RFX3: variants seen among roughly 807,000 people sequenced by gnomAD.
RFX3 encodes the protein regulatory factor X3.
In RFX3, 14 loss-of-function variants were observed where a neutral mutation model predicts 98.6. The ratio of observed to expected loss-of-function variants is 0.14; its 90% confidence interval spans 0.09 to 0.22. RFX3 has a LOEUF of 0.22. Among genes scored for constraint, RFX3 ranks in the 10% least tolerant of loss-of-function variants. The pLI, the probability that RFX3 is intolerant of heterozygous loss-of-function variation, is 1.00. For missense variants in RFX3, 639 were observed against 926.9 expected (o/e 0.69, Z 4.03); for synonymous variants, 383 against 328.4 (o/e 1.17, Z -1.80).
intron 2 of RFX3, among the ~76,000 whole-genome samples, chr9:3,370,697 A>G (rs983171817): frequency 2.6e-5 from 4 of 152,210 alleles, no homozygotes; most frequent in Non-Finnish European, 5.9e-5. Context: ...TAAATAAATT[A>G]TAGCTCACTA....
intron 1 of RFX3, among the ~76,000 whole-genome samples, chr9:3,516,772 G>A (rs1363653554): frequency 6.6e-6 from 1 of 151,994 alleles, no homozygotes; most frequent in Non-Finnish European, 1.5e-5. Context: ...CCACATACTC[G>A]GGAAATTATG....
At chr9:3,417,384 C>G (rs1242593524) in intron 1 of RFX3, among the ~76,000 whole-genome samples, 1 of 152,056 alleles carries the variant, frequency 6.6e-6, no homozygotes, top group Non-Finnish European at 1.5e-5. Context: ...ATACCCTTCT[C>G]AAGTACACAC....
chr9:3,507,989 T>C (rs1252781410), intron 1 of RFX3, among the ~76,000 whole-genome samples: 1 of 151,904 alleles, frequency 6.6e-6, no homozygotes, highest in Non-Finnish European at 1.5e-5. Flanking sequence ...GTGGTTGTTC[T>C]GTGGGACACT....
At chr9:3,515,308 A>G (rs1818046269) in intron 1 of RFX3, among the ~76,000 whole-genome samples, 1 of 152,218 alleles carries the variant, frequency 6.6e-6, no homozygotes, top group African/African-American at 2.4e-5. Flanking sequence ...GGATAGATAT[A>G]TACAGATATA....
At chr9:3,450,731 AGTGATATCAT>A (rs1352491631) in intron 1 of RFX3, among the ~76,000 whole-genome samples, 1 of 152,062 alleles carries the variant, frequency 6.6e-6, no homozygotes, top group East Asian at 1.9e-4. Context: ...AATCAAATCA[AGTGATATCAT>A]TACAGAATTT....
chr9:3,427,268 A>G (rs1744999447), intron 1 of RFX3, among the ~76,000 whole-genome samples: 3 of 143,896 alleles, frequency 2.1e-5, no homozygotes, highest in Non-Finnish European at 4.5e-5. Context: ...TACTATATAT[A>G]TATTTTATTA....
Position 3,358,394 on chromosome 9 carries a change from T to C in RFX3, c.118-11630A>G, listed in dbSNP as rs150426234. Among the ~76,000 whole-genome samples the C allele has an allele frequency of 1.3e-3, 198 of 152,238 alleles. 1 individual carries two copies. Among genetic ancestry groups the C allele is most frequent in the African/African-American group, 4.1e-3 (172 of 41,554 alleles). On this transcript the variant is annotated intron_variant, in intron 2 of 16. Transcript: ENST00000617270. ...GTTCATCAAGGGTCCCTTAAAATCATGAGATTCTATAATTAAAGTAGAAAT... is the reference window on the plus strand; with the variant it reads ...GTTCATCAAGGGTCCCTTAAAATCACGAGATTCTATAATTAAAGTAGAAAT...
intron 1 of RFX3, among the ~76,000 whole-genome samples, chr9:3,508,788 G>A (rs896704803): frequency 1.3e-5 from 2 of 151,966 alleles, no homozygotes; most frequent in Admixed American, 6.6e-5. Flanking sequence ...TGAGGCTGCA[G>A]AGAGCATCAG....
chr9:3,456,783 C>G (rs777275816), intron 1 of RFX3, among the ~76,000 whole-genome samples: 3 of 152,076 alleles, frequency 2.0e-5, no homozygotes, highest in Non-Finnish European at 4.4e-5. Flanking sequence ...TGAGACACTC[C>G]TAGGAAGCCC....
intron 7 of RFX3, among the ~76,000 whole-genome samples, chr9:3,278,158 T>C (rs945449018): frequency 5.3e-5 from 8 of 151,644 alleles, no homozygotes; most frequent in African/African-American, 1.7e-4. Context: ...ACAGCTAAGA[T>C]AGAAAAAAAT....
At chr9:3,506,383 G>A (rs564704593) in intron 1 of RFX3, among the ~76,000 whole-genome samples, 9 of 151,746 alleles carry the variant, frequency 5.9e-5, no homozygotes, top group Admixed American at 2.6e-4. Context: ...TGTAACCCTG[G>A]AACTGAAGTC....
chr9:3,303,279 A>G (rs1828884635), intron 4 of RFX3, among the ~76,000 whole-genome samples: 1 of 151,932 alleles, frequency 6.6e-6, no homozygotes. Context: ...CTGTGAAACT[A>G]TAAAGGACTT....
chr9:3,402,499 T>C (rs1436883343), intron 1 of RFX3, among the ~76,000 whole-genome samples: 1 of 152,088 alleles, frequency 6.6e-6, no homozygotes, highest in South Asian at 2.1e-4. Flanking sequence ...TGTGACCATA[T>C]TCAAGAATAA....
At chr9:3,506,204 T>C (rs956116406) in intron 1 of RFX3, among the ~76,000 whole-genome samples, 2 of 150,364 alleles carry the variant, frequency 1.3e-5, no homozygotes, top group African/African-American at 4.9e-5. Flanking sequence ...GAAGGACAAC[T>C]GTTTTTTTTT....
At chr9:3,272,215 A>C (rs1824584996) in intron 9 of RFX3, among the ~76,000 whole-genome samples, 1 of 152,214 alleles carries the variant, frequency 6.6e-6, no homozygotes, top group Non-Finnish European at 1.5e-5. Flanking sequence ...AAAAGACAGA[A>C]GTAGTCAGTA....
At chr9:3,360,474 T>G (rs1275071302) in intron 2 of RFX3, among the ~76,000 whole-genome samples, 1 of 152,118 alleles carries the variant, frequency 6.6e-6, no homozygotes, top group Non-Finnish European at 1.5e-5. Flanking sequence ...GAAGTCTGAC[T>G]GTAATAACAT....
intron 2 of RFX3, among the ~76,000 whole-genome samples, chr9:3,348,559 A>C (rs1196025407): frequency 6.6e-6 from 1 of 151,864 alleles, no homozygotes; most frequent in Non-Finnish European, 1.5e-5. Context: ...ATAAAGAATA[A>C]ATTCCTCTCA....
chr9:3,476,626 C>T (rs1231292537), intron 1 of RFX3, among the ~76,000 whole-genome samples: 1 of 152,076 alleles, frequency 6.6e-6, no homozygotes, highest in Non-Finnish European at 1.5e-5. Context: ...AGAAGAGAAC[C>T]ATATCTGTAA....
At chr9:3,522,673 A>G (rs189871317) in intron 1 of RFX3, among the ~76,000 whole-genome samples, 2 of 152,204 alleles carry the variant, frequency 1.3e-5, no homozygotes, top group African/African-American at 4.8e-5. Flanking sequence ...CTGAAAACCA[A>G]AAATCATTAT....
Sources: gnomAD v4.1 joint callset for allele counts (sites outside exome capture counted in the v4.1 genomes callset) on GRCh38, gnomAD v4.1.1 for gene constraint, MANE v1.5 for transcripts, NCBI Gene and HGNC (gene_info 2026-07-23, HGNC 2026-07-21) for gene names.